ARHGAP15: variants seen among roughly 807,000 people sequenced by gnomAD.
The protein encoded by ARHGAP15 is Rho GTPase activating protein 15, also known as rho GTPase-activating protein 15.
Under a neutral mutation model 63.7 loss-of-function variants are expected in ARHGAP15, and 51 were observed. The ratio of observed to expected loss-of-function variants is 0.80; its 90% CI spans 0.64 to 1.01. ARHGAP15 has a LOEUF of 1.01. Ranked by LOEUF, ARHGAP15 falls within the 50% of genes least tolerant of loss-of-function variation. The pLI, the probability that ARHGAP15 is intolerant of heterozygous loss-of-function variation, is 0.00. For synonymous variants in ARHGAP15, 191 were observed against 193.8 expected (o/e 0.99, Z 0.12); for missense variants, 560 against 564.6 (o/e 0.99, Z 0.08).
intron 6 of ARHGAP15, among the ~76,000 whole-genome samples, chr2:143,337,487 A>C (rs1363199356): frequency 2.0e-5 from 3 of 152,158 alleles, no homozygotes; most frequent in African/African-American, 7.2e-5. Context: ...TTGCCTACCT[A>C]GGTTTCTGCA....
intron 13 of ARHGAP15, among the ~76,000 whole-genome samples, chr2:143,710,154 CTCTTT>C (rs5834964): frequency 0.31 from 43,178 of 137,216 alleles, 6,695 homozygotes; most frequent in Non-Finnish European, 0.41. Context: ...CTTTTACTCT[CTCTTT>C]TCTTTTTTTT....
chr2:143,409,266 C>A (rs937565443), intron 6 of ARHGAP15, among the ~76,000 whole-genome samples: 14 of 151,838 alleles, frequency 9.2e-5, no homozygotes, highest in Admixed American at 4.6e-4. Context: ...ACAACAACAA[C>A]ACAACAACCT....
At chr2:143,636,816 T>C (rs2105264272) in intron 12 of ARHGAP15, among the ~76,000 whole-genome samples, 1 of 152,226 alleles carries the variant, frequency 6.6e-6, no homozygotes, top group African/African-American at 2.4e-5. Context: ...CTCAGTCAGA[T>C]CAGGAAGCTA....
intron 6 of ARHGAP15, among the ~76,000 whole-genome samples, chr2:143,415,915 G>A (rs998083456): frequency 6.6e-6 from 1 of 152,116 alleles, no homozygotes; most frequent in African/African-American, 2.4e-5. Context: ...ATAAGTGGGA[G>A]CTAAGATATG....
chr2:143,630,538 A>G (rs1461115313), intron 12 of ARHGAP15, among the ~76,000 whole-genome samples: 1 of 152,096 alleles, frequency 6.6e-6, no homozygotes, highest in Non-Finnish European at 1.5e-5. Context: ...TCTTCTGGTT[A>G]CTTTCATAAC....
At chr2:143,500,134 T>A (rs1692987424) in intron 9 of ARHGAP15, among the ~76,000 whole-genome samples, 1 of 151,784 alleles carries the variant, frequency 6.6e-6, no homozygotes, top group Non-Finnish European at 1.5e-5. Flanking sequence ...GAGTTAGGTG[T>A]GCTCATTATA....
chr2:143,649,712 G>A (rs1044704392), intron 12 of ARHGAP15, among the ~76,000 whole-genome samples: 59 of 151,964 alleles, frequency 3.9e-4, no homozygotes, highest in African/African-American at 1.3e-3. Context: ...GGAAGGTATC[G>A]AACAAATGTG....
chr2:143,605,858 C>CAAAAA lies in ARHGAP15; in HGVS notation c.1004-18251_1004-18247dup, dbSNP rs373847590. Among the ~76,000 whole-genome samples the CAAAAA allele has an allele frequency of 1.4e-3, 119 of 85,286 alleles. 1 individual carries two copies. The highest frequency in any genetic ancestry group is 4.2e-3 in the African/African-American group (108 of 25,554). The allele number at this position is 85,286 out of a possible 152,430, so 56.0% of individuals were successfully genotyped here. A position where few individuals can be genotyped will look rare whatever the true frequency, so the allele number is the denominator to read the frequency against. ...GTGAAACCCTGTCTCTACTAAAATA[C>CAAAAA]AAAAAAAAAAAAAAAAAAAAAAAAA... On this transcript the variant is annotated intron_variant, in intron 11 of 13. Transcript: ENST00000295095.
At chr2:143,744,411 T>G (rs1028291683) in intron 13 of ARHGAP15, among the ~76,000 whole-genome samples, 2 of 151,284 alleles carry the variant, frequency 1.3e-5, no homozygotes, top group Admixed American at 6.6e-5. Flanking sequence ...AAAAGCACCA[T>G]AAGTAATAAT....
At chr2:143,185,489 A>C (rs1262894891) in intron 2 of ARHGAP15, among the ~76,000 whole-genome samples, 1 of 152,144 alleles carries the variant, frequency 6.6e-6, no homozygotes, top group Admixed American at 6.5e-5. Flanking sequence ...CTCCTCTAAG[A>C]TTCTGCAATA....
At chr2:143,404,368 G>T (rs1188789289) in intron 6 of ARHGAP15, among the ~76,000 whole-genome samples, 1 of 151,900 alleles carries the variant, frequency 6.6e-6, no homozygotes, top group African/African-American at 2.4e-5. Flanking sequence ...AGTAAAATTT[G>T]ATAGAGACCC....
rs867254908 is a variant in ARHGAP15 at position 143,318,535 on chromosome 2, T to C, written c.474+67935T>C. Among the ~76,000 whole-genome samples the C allele has an allele frequency of 8.7e-3, 1,071 of 123,384 alleles. 11 individuals are homozygous for C. The highest frequency in any genetic ancestry group is 0.031 in the South Asian group (123 of 4,000). The allele number at this position is 123,384 out of a possible 152,430, so 80.9% of individuals were successfully genotyped here. On this transcript the variant is annotated intron_variant, in intron 6 of 13. Coordinates refer to ENST00000295095, the MANE Select transcript of ARHGAP15 (RefSeq NM_018460.4). ...TTTTTTTTTTTTTTTTTTTTTTTTTTCGAACAGTCAATACAAGAGACAAGA... is the reference window on the plus strand; with the variant it reads ...TTTTTTTTTTTTTTTTTTTTTTTTTCCGAACAGTCAATACAAGAGACAAGA...
chr2:143,694,459 A>G (rs941673250), intron 12 of ARHGAP15, among the ~76,000 whole-genome samples: 4 of 152,310 alleles, frequency 2.6e-5, no homozygotes, highest in Middle Eastern at 6.8e-3. Context: ...CATTAAGATT[A>G]GCTGGCAGTT....
chr2:143,421,915 A>G (rs1371126980), intron 6 of ARHGAP15, among the ~76,000 whole-genome samples: 1 of 151,922 alleles, frequency 6.6e-6, no homozygotes, highest in Non-Finnish European at 1.5e-5. Context: ...GAGAGAGAGC[A>G]AGAAAGAGGT....
Position 143,245,653 on chromosome 2 carries a change from T to G in ARHGAP15, c.385-4858T>G, listed in dbSNP as rs571429029. On this transcript the variant is annotated intron_variant, in intron 5 of 13. Coordinates refer to ENST00000295095, the MANE Select transcript of ARHGAP15 (RefSeq NM_018460.4). ...TTTTTTAAACGGGTAATGAACATGG[T>G]TAGAGGCTGAAGGACACAATCTATT... 3.3e-5 allele frequency among the ~76,000 whole-genome samples: 5 copies of G among 151,760 alleles called. No homozygotes were observed. The East Asian group carries it at 9.6e-4, about 29-fold the overall frequency.
chr2:143,536,133 C>G (rs1459874277), intron 10 of ARHGAP15, among the ~76,000 whole-genome samples: 1 of 152,032 alleles, frequency 6.6e-6, no homozygotes. Flanking sequence ...CCAATAGATC[C>G]CTTGAAATTT....
At chr2:143,444,559 TC>T (rs1399960800) in intron 8 of ARHGAP15, among the ~76,000 whole-genome samples, 2 of 152,192 alleles carry the variant, frequency 1.3e-5, no homozygotes, top group African/African-American at 4.8e-5. Flanking sequence ...TTTGGTCAAT[TC>T]CTTTTTGTTT....
chr2:143,420,568 G>A (rs1688874883), intron 6 of ARHGAP15, among the ~76,000 whole-genome samples: 1 of 152,132 alleles, frequency 6.6e-6, no homozygotes, highest in African/African-American at 2.4e-5. Flanking sequence ...ATTGTGGTAA[G>A]TGTTCTCTGA....
At chr2:143,327,001 T>C (rs1283968141) in intron 6 of ARHGAP15, among the ~76,000 whole-genome samples, 1 of 152,156 alleles carries the variant, frequency 6.6e-6, no homozygotes, top group African/African-American at 2.4e-5. Context: ...GACATGATTG[T>C]ATATTTAGAA....
Sources: allele counts gnomAD v4.1 joint callset (sites outside exome capture counted in the v4.1 genomes callset), GRCh38; gene constraint gnomAD v4.1.1; transcripts MANE v1.5; gene names NCBI Gene and HGNC (gene_info 2026-07-23, HGNC 2026-07-21).